Variants in CELF2 observed in about 807,000 individuals in gnomAD.
CELF2 encodes the protein CUGBP Elav-like family member 2, also known as CUG triplet repeat RNA-binding protein 2.
Under a neutral mutation model 62.6 loss-of-function variants are expected in CELF2, and 8 were observed. The observed-to-expected ratio is 0.13, with a 90% CI of 0.07 to 0.23. CELF2 has a LOEUF of 0.23. Ranked by LOEUF, CELF2 falls within the 10% of genes least tolerant of loss-of-function variation. CELF2 has a pLI of 1.00. For missense variants in CELF2, 333 were observed against 671.0 expected (o/e 0.50, Z 5.56); for synonymous variants, 258 against 250.0 (o/e 1.03, Z -0.30).
At chr10:11,104,583 G>T (rs1405994161) in intron 1 of CELF2, among the ~76,000 whole-genome samples, 1 of 152,212 alleles carries the variant, frequency 6.6e-6, no homozygotes, top group East Asian at 1.9e-4. Flanking sequence ...CAGGGAGGCT[G>T]AGGTGGGAGG....
rs1005020090 is a variant in CELF2, at chr10:11,330,586, C to T, written c.*1533C>T. 1 of 152,402 alleles carries T rather than the reference C, an allele frequency of 6.6e-6. No homozygotes were observed. The highest frequency in any genetic ancestry group is 1.5e-5 in the Non-Finnish European group (1 of 68,018). 9.4% of individuals were successfully genotyped at this position (152,402 alleles called of 1,614,324 possible). On this transcript the variant is annotated 3_prime_UTR_variant, in exon 13 of 13. Coordinates refer to ENST00000633077, the MANE Select transcript of CELF2 (RefSeq NM_001326342.2). This position sits in a 1 kb window ranked among gnomAD's most constrained non-coding sequence, Gnocchi z 4.5. ...CATCATATTTGGTTCTCCTACTGAC[C>T]TTTGATCTAGTTTGACCTTTGAAAT...
the CELF2 span, among the ~76,000 whole-genome samples, chr10:10,639,091 A>G: frequency 6.6e-6 from 1 of 152,228 alleles, no homozygotes; most frequent in African/African-American, 2.4e-5. Context: ...AGAGCTTTTA[A>G]TATAAGATTC....
In CELF2 at chr10:11,314,639, G is replaced by C. The variant is rs1307075803; in HGVS notation, c.1096+381G>C. 6.0e-6 allele frequency: 2 copies of C among 332,526 alleles called. No homozygotes were observed. The highest frequency in any genetic ancestry group is 4.3e-5 in the African/African-American group (2 of 46,534). 20.6% of individuals were successfully genotyped at this position (332,526 alleles called of 1,614,324 possible). On this transcript the variant is annotated intron_variant, in intron 10 of 12. Transcript: ENST00000633077. The surrounding 1 kb of genome is among the most constrained non-coding windows in gnomAD (Gnocchi z 5.3). The stretch of plus-strand genomic sequence containing the variant: ...CTGGAAGGCTGGAAGCCTGAACCCA[G>C]CTCTGCTGCCAGGCAGCTGTGGGAA...
At chr10:10,544,967 C>G in the CELF2 span, among the ~76,000 whole-genome samples, 1 of 152,138 alleles carries the variant, frequency 6.6e-6, no homozygotes. Flanking sequence ...AATATTTTGT[C>G]CAAAGTCATC....
chr10:10,467,342 A>G, the CELF2 span, among the ~76,000 whole-genome samples: 1 of 152,018 alleles, frequency 6.6e-6, no homozygotes, highest in Admixed American at 6.6e-5. Context: ...TAAAAAGACT[A>G]TTCTTTACCC....
intron 2 of CELF2, among the ~76,000 whole-genome samples, chr10:10,986,819 G>C (rs1359523429): frequency 2.0e-5 from 3 of 152,190 alleles, no homozygotes; most frequent in Non-Finnish European, 4.4e-5. Context: ...ATTAGCGTCA[G>C]CACTACAAGG....
At position 11,244,610 on chromosome 10, in the gene CELF2, A is replaced by G. The variant is rs915820997; in HGVS notation, c.355-4543A>G. Among the ~76,000 whole-genome samples the G allele has an allele frequency of 6.6e-6, 1 of 151,078 alleles. No homozygotes were observed. Among genetic ancestry groups the G allele is most frequent in the Non-Finnish European group, 1.5e-5 (1 of 67,840 alleles). The stretch of plus-strand genomic sequence containing the variant: ...GCAGAGCTTTCAGTGAGCCGAGATC[A>G]TGCCACTGCACTCCATCCAGCCTAG... On this transcript the variant is annotated intron_variant, in intron 3 of 12. Coordinates refer to ENST00000633077, the MANE Select transcript of CELF2 (RefSeq NM_001326342.2). The surrounding 1 kb of genome is among the most constrained non-coding windows in gnomAD (Gnocchi z 4.2).
chr10:10,820,228 G>A (rs568472090), intron 1 of CELF2, among the ~76,000 whole-genome samples: 19 of 152,142 alleles, frequency 1.2e-4, no homozygotes, highest in Admixed American at 2.0e-4. Flanking sequence ...TCTCAGTTTC[G>A]GGTACGTCTT....
intron 1 of CELF2, among the ~76,000 whole-genome samples, chr10:11,089,246 C>T (rs1380889562): frequency 6.6e-6 from 1 of 152,190 alleles, no homozygotes; most frequent in Non-Finnish European, 1.5e-5. Context: ...TTGAAACACA[C>T]AGTAGGCCAC....
chr10:10,708,877 C>T, the CELF2 span, among the ~76,000 whole-genome samples: 10 of 152,178 alleles, frequency 6.6e-5, no homozygotes, highest in Admixed American at 6.5e-4. Flanking sequence ...CACACACGCA[C>T]ACGCACACCG....
chr10:11,300,294 C>A lies in CELF2; in HGVS notation c.976+11742C>A, dbSNP rs999197113. Among the ~76,000 whole-genome samples the A allele has an allele frequency of 6.6e-6, 1 of 152,204 alleles. No individual in the cohort carries two copies. Among genetic ancestry groups the A allele is most frequent in the African/African-American group, 2.4e-5 (1 of 41,448 alleles). ...TAAAGCCTCAGCAGTCGTTCTGAGT[C>A]CAGACCCGGCCCTCTAGACTGAATT... On this transcript the variant is annotated intron_variant, in intron 9 of 12. Transcript: ENST00000633077. The surrounding 1 kb of genome is among the most constrained non-coding windows in gnomAD (Gnocchi z 5.5).
At chr10:11,050,915 C>T (rs2063800722) in intron 1 of CELF2, among the ~76,000 whole-genome samples, 1 of 152,226 alleles carries the variant, frequency 6.6e-6, no homozygotes, top group South Asian at 2.1e-4. Flanking sequence ...TTGCCTGCCT[C>T]CCTGCTTTCC....
chr10:10,475,233 CT>C, the CELF2 span, among the ~76,000 whole-genome samples: 115 of 152,080 alleles, frequency 7.6e-4, no homozygotes, highest in South Asian at 0.023. Flanking sequence ...TACATCCTCG[CT>C]CAAAATGAAG....
chr10:10,613,104 C>T, the CELF2 span, among the ~76,000 whole-genome samples: 33,235 of 151,250 alleles, frequency 0.22, 4,344 homozygotes, highest in Non-Finnish European at 0.31. Flanking sequence ...TTAATGGCTT[C>T]GAAACTCTTA....
At chr10:10,757,333 C>T in the CELF2 span, among the ~76,000 whole-genome samples, 2 of 152,024 alleles carry the variant, frequency 1.3e-5, no homozygotes, top group East Asian at 1.9e-4. Flanking sequence ...TTGGTGTTCA[C>T]CTGTAGTCCC....
rs2050843647 is a variant in CELF2 at position 10,972,373 on chromosome 10, C to T, written c.89+52374C>T. ...CTGTTTTGCTTTAACCTGGAAAACT[C>T]ATCTTATTTAAAACTAGGAATATCC... On this transcript the variant is annotated intron_variant, in intron 2 of 13. Coordinates refer to the CELF2 transcript ENST00000636488. This position sits in a 1 kb window ranked among gnomAD's most constrained non-coding sequence, Gnocchi z 4.4. Among the ~76,000 whole-genome samples the T allele has an allele frequency of 1.3e-5, 2 of 152,264 alleles. No homozygotes were observed. Among genetic ancestry groups the T allele is most frequent in the Middle Eastern group, 3.4e-3 (1 of 294 alleles).
At chr10:10,506,445 C>A in the CELF2 span, among the ~76,000 whole-genome samples, 1 of 152,064 alleles carries the variant, frequency 6.6e-6, no homozygotes. Context: ...AAGTGACCAC[C>A]AGAAAGATTG....
Position 11,321,017 on chromosome 10 carries a change from T to C in CELF2, c.1097-172T>C. 1 of 1,335,066 alleles carries C rather than the reference T, an allele frequency of 7.5e-7. No individual in the cohort carries two copies. Among genetic ancestry groups the C allele is most frequent in the Non-Finnish European group, 1.0e-6 (1 of 969,694 alleles). The allele number at this position is 1,335,066 out of a possible 1,614,324, so 82.7% of individuals were successfully genotyped here. ...TCATGGCTTAGGTCATTTTCCCCCA[T>C]TATCACGATTTATTTCTTCATGGTT... On this transcript the variant is annotated intron_variant, in intron 10 of 12. Transcript: ENST00000633077. This position sits in a 1 kb window ranked among gnomAD's most constrained non-coding sequence, Gnocchi z 6.2.
chr10:10,744,464 A>C, the CELF2 span, among the ~76,000 whole-genome samples: 1 of 152,192 alleles, frequency 6.6e-6, no homozygotes, highest in Admixed American at 6.5e-5. Flanking sequence ...TATGACACCT[A>C]ATTATTCCCA....
Sources: allele counts gnomAD v4.1 joint callset (sites outside exome capture counted in the v4.1 genomes callset), GRCh38; gene constraint gnomAD v4.1.1; non-coding constraint Gnocchi (gnomAD v3.1); transcripts MANE v1.5; gene names NCBI Gene and HGNC (gene_info 2026-07-23, HGNC 2026-07-21).